NREP: variants seen among roughly 807,000 people sequenced by gnomAD.
The protein encoded by NREP is neuronal regeneration related protein.
NREP carries 5 observed loss-of-function variants against 8.6 expected under a neutral mutation model. That is an observed-to-expected ratio of 0.58 (90% CI 0.30 to 1.22). NREP has a LOEUF of 1.22. Among genes scored for constraint, NREP ranks in the 50% most tolerant of loss-of-function variants. NREP has a pLI of 0.07. For synonymous variants in NREP, 27 were observed against 28.0 expected (o/e 0.96, Z 0.11); for missense variants, 86 against 82.5 (o/e 1.04, Z -0.17).
intron 2 of NREP, among the ~76,000 whole-genome samples, chr5:111,818,358 G>A (rs1317928363): frequency 6.6e-6 from 1 of 152,134 alleles, no homozygotes; most frequent in Non-Finnish European, 1.5e-5. Context: ...ACATTCTTCA[G>A]AAAAATGGCA....
chr5:111,916,741 A>T (rs1388993853), intron 2 of NREP, among the ~76,000 whole-genome samples: 1 of 152,170 alleles, frequency 6.6e-6, no homozygotes, highest in African/African-American at 2.4e-5. Flanking sequence ...TTGTTTAAGG[A>T]TTAAATGAGT....
At chr5:111,960,438 G>C (rs956393679) in intron 2 of NREP, among the ~76,000 whole-genome samples, 1 of 152,134 alleles carries the variant, frequency 6.6e-6, no homozygotes, top group African/African-American at 2.4e-5. Flanking sequence ...CCACAGAGAG[G>C]ACTTGCAAAA....
rs1245630075 is a variant in NREP, at chr5:111,743,177, T to C, written c.4-7670A>G. Among the ~76,000 whole-genome samples, 4 of 152,136 alleles carry C rather than the reference T, an allele frequency of 2.6e-5. No individual in the cohort carries two copies. The East Asian group carries it at 5.8e-4, about 22-fold the overall frequency. On this transcript the variant is annotated intron_variant, in intron 2 of 3. Coordinates refer to ENST00000257435, the MANE Select transcript of NREP (RefSeq NM_004772.4). ...ATGGGAAAAAAATAAAGCAGCCTTT[T>C]TAAAACTTGGTTTGAGATTATGCAG...
At chr5:111,799,989 A>G (rs1751964712) in intron 2 of NREP, among the ~76,000 whole-genome samples, 1 of 151,958 alleles carries the variant, frequency 6.6e-6, no homozygotes, top group Non-Finnish European at 1.5e-5. Flanking sequence ...GTGTGATCTC[A>G]GCTCACCGCA....
At chr5:111,737,724 A>AC (rs1032243366) in intron 2 of NREP, among the ~76,000 whole-genome samples, 5 of 150,824 alleles carry the variant, frequency 3.3e-5, no homozygotes, top group Middle Eastern at 3.4e-3. Context: ...CTAAAAAAAA[A>AC]AAAAACAAAA....
At chr5:111,943,292 T>A (rs1040179404) in intron 2 of NREP, among the ~76,000 whole-genome samples, 3 of 152,066 alleles carry the variant, frequency 2.0e-5, no homozygotes, top group African/African-American at 7.2e-5. Flanking sequence ...CTATACATCT[T>A]CTTGCCTGAA....
intron 2 of NREP, among the ~76,000 whole-genome samples, chr5:111,799,646 A>G (rs1751955950): frequency 6.6e-6 from 1 of 152,208 alleles, no homozygotes; most frequent in Non-Finnish European, 1.5e-5. Context: ...GACTGGCTTC[A>G]TATTCCCACT....
At chr5:111,958,674 A>C (rs1319611126) in intron 2 of NREP, among the ~76,000 whole-genome samples, 1 of 148,386 alleles carries the variant, frequency 6.7e-6, no homozygotes, top group Admixed American at 6.6e-5. Flanking sequence ...TTAGAAAAAC[A>C]AAACATGTTC....
intron 2 of NREP, among the ~76,000 whole-genome samples, chr5:111,917,573 G>A (rs1160681666): frequency 1.3e-5 from 2 of 152,102 alleles, no homozygotes; most frequent in African/African-American, 4.8e-5. Flanking sequence ...ATCAATAAAT[G>A]TAATCCATCA....
chr5:111,756,738 G>A (rs901543732), intron 1 of NREP, among the ~76,000 whole-genome samples: 1 of 152,144 alleles, frequency 6.6e-6, no homozygotes, highest in African/African-American at 2.4e-5. Context: ...TAAGGGCGGA[G>A]GGACACAAAT....
At chr5:111,783,112 AGAAAGAAGCAACCCT>A (rs1751533181) in intron 2 of NREP, among the ~76,000 whole-genome samples, 3 of 152,122 alleles carry the variant, frequency 2.0e-5, no homozygotes, top group Non-Finnish European at 2.9e-5. Flanking sequence ...CCACAGTATC[AGAAAGAAGCAACCCT>A]CCAGACTATA....
chr5:111,756,682 C>T (rs1219693217), intron 1 of NREP, among the ~76,000 whole-genome samples: 3 of 152,058 alleles, frequency 2.0e-5, no homozygotes, highest in African/African-American at 7.2e-5. Flanking sequence ...GATCGAATGC[C>T]TAAGAAGACC....
chr5:111,735,415 A>G lies in NREP; in HGVS notation c.81+15T>C, dbSNP rs1428008177. On this transcript the variant is annotated intron_variant, in intron 3 of 3. Coordinates refer to ENST00000257435, the MANE Select transcript of NREP (RefSeq NM_004772.4). Reference sequence around the variant, plus strand: ...TTGAAAATAGTGTTAACAATATGGCATCTAAGGATCTTACCTTAGGAAGCC... The same window carrying G: ...TTGAAAATAGTGTTAACAATATGGCGTCTAAGGATCTTACCTTAGGAAGCC... 1.3e-6 allele frequency: 2 copies of G among 1,555,642 alleles called. No homozygotes were observed. Among genetic ancestry groups the G allele is most frequent in the Non-Finnish European group, 1.8e-6 (2 of 1,127,402 alleles).
intron 2 of NREP, among the ~76,000 whole-genome samples, chr5:111,974,068 A>G: frequency 6.6e-6 from 1 of 152,328 alleles, no homozygotes; most frequent in South Asian, 2.1e-4. Flanking sequence ...TACACAAGCT[A>G]AAAAATGCTC....
At chr5:111,813,947 A>G (rs1408290111) in intron 2 of NREP, among the ~76,000 whole-genome samples, 1 of 152,120 alleles carries the variant, frequency 6.6e-6, no homozygotes, top group South Asian at 2.1e-4. Flanking sequence ...AATAATTTAC[A>G]TAAGTGCTCT....
chr5:111,837,670 A>T (rs756101354), intron 2 of NREP, among the ~76,000 whole-genome samples: 4 of 152,024 alleles, frequency 2.6e-5, no homozygotes, highest in African/African-American at 4.8e-5. Flanking sequence ...GCAAAGAGTG[A>T]CAAGATTGGA....
At chr5:111,831,350 C>G (rs746380925) in intron 2 of NREP, among the ~76,000 whole-genome samples, 3 of 152,146 alleles carry the variant, frequency 2.0e-5, no homozygotes, top group Non-Finnish European at 2.9e-5. Flanking sequence ...CATCAGCCAA[C>G]TCAGGTCATA....
intron 2 of NREP, among the ~76,000 whole-genome samples, chr5:111,837,058 A>G (rs1292278340): frequency 6.6e-6 from 1 of 152,108 alleles, no homozygotes; most frequent in Non-Finnish European, 1.5e-5. Flanking sequence ...GATGGGCAAG[A>G]TTTAGTTTTC....
intron 2 of NREP, among the ~76,000 whole-genome samples, chr5:111,950,821 G>C (rs941880322): frequency 6.6e-6 from 1 of 151,786 alleles, no homozygotes; most frequent in Non-Finnish European, 1.5e-5. Flanking sequence ...CATCACCCTA[G>C]GGACTTTTAA....
Sources: gnomAD v4.1 joint callset for allele counts (sites outside exome capture counted in the v4.1 genomes callset) on GRCh38, gnomAD v4.1.1 for gene constraint, MANE v1.5 for transcripts, NCBI Gene and HGNC (gene_info 2026-07-23, HGNC 2026-07-21) for gene names.